SCAMP1: variants seen among roughly 807,000 people sequenced by gnomAD.
SCAMP1 encodes the protein secretory carrier membrane protein 1.
A neutral mutation model predicts 41.8 loss-of-function variants in SCAMP1; 15 were observed. The ratio of observed to expected loss-of-function variants is 0.36; its 90% CI spans 0.24 to 0.55. The LOEUF is 0.55. Ranked by LOEUF, SCAMP1 falls within the 20% of genes least tolerant of loss-of-function variation. The pLI is 0.86. For synonymous variants in SCAMP1, 135 were observed against 136.8 expected, an observed-to-expected ratio of 0.99 and a Z score of 0.09; for missense variants, 341 against 412.6, an observed-to-expected ratio of 0.83 and a Z score of 1.50.
intron 1 of SCAMP1, among the ~76,000 whole-genome samples, chr5:78,384,749 C>T (rs547111601): frequency 2.0e-5 from 3 of 151,922 alleles, no homozygotes; most frequent in Non-Finnish European, 4.4e-5. Flanking sequence ...TGTGGTGTAT[C>T]ACATTTATTG....
chr5:78,424,080 G>T (rs1456176712), intron 6 of SCAMP1, among the ~76,000 whole-genome samples: 1 of 152,150 alleles, frequency 6.6e-6, no homozygotes, highest in Non-Finnish European at 1.5e-5. Context: ...CTGACCTCAG[G>T]TGATCCGCCC....
At chr5:78,370,799 T>G (rs866208767) in intron 1 of SCAMP1, 1 of 152,138 alleles carries the variant, frequency 6.6e-6, no homozygotes, top group Admixed American at 6.5e-5. Context: ...CTGCTAGCAG[T>G]GTATGGGTAT....
intron 2 of SCAMP1, among the ~76,000 whole-genome samples, chr5:78,404,792 A>G (rs1034473605): frequency 6.6e-6 from 1 of 152,228 alleles, no homozygotes; most frequent in Admixed American, 6.5e-5. Context: ...GGTGTTTTTC[A>G]AAAATGGTTC....
At chr5:78,449,796 CT>C (rs948372444) in intron 6 of SCAMP1, 136 bp from the exon 7 acceptor site, 40 of 545,028 alleles carry the variant, frequency 7.3e-5, no homozygotes, top group Admixed American at 1.2e-4. Flanking sequence ...GTGGTTGCCA[CT>C]TTTTTTTGTT....
intron 6 of SCAMP1, among the ~76,000 whole-genome samples, chr5:78,444,331 A>G (rs1344180021): frequency 6.6e-6 from 1 of 152,218 alleles, no homozygotes; most frequent in African/African-American, 2.4e-5. Context: ...GAGGCCTCAC[A>G]ATCATGGCAG....
At chr5:78,419,520 C>G (rs1043248976) in intron 5 of SCAMP1, among the ~76,000 whole-genome samples, 1 of 152,110 alleles carries the variant, frequency 6.6e-6, no homozygotes, top group Non-Finnish European at 1.5e-5. Flanking sequence ...AACAAAATGT[C>G]AAGCCGTTAA....
intron 1 of SCAMP1, among the ~76,000 whole-genome samples, chr5:78,363,296 G>A (rs941837380): frequency 2.7e-5 from 4 of 150,742 alleles, no homozygotes; most frequent in African/African-American, 7.3e-5. Context: ...CACTGCAAGC[G>A]CTGCCTCCTG....
At chr5:78,450,793 T>C (rs1341762952) in intron 7 of SCAMP1, among the ~76,000 whole-genome samples, 1 of 152,216 alleles carries the variant, frequency 6.6e-6, no homozygotes, top group East Asian at 1.9e-4. Context: ...AAAATTGAAA[T>C]TAGCATTTAA....
intron 6 of SCAMP1, among the ~76,000 whole-genome samples, chr5:78,442,125 T>C (rs116022217): frequency 0.02 from 3,024 of 151,810 alleles, 114 homozygotes; most frequent in African/African-American, 0.068. Flanking sequence ...TAAGACCTTG[T>C]CTCAAAAAAA....
chr5:78,384,266 G>A (rs965621182), intron 1 of SCAMP1, among the ~76,000 whole-genome samples: 1 of 148,000 alleles, frequency 6.8e-6, no homozygotes, highest in Non-Finnish European at 1.5e-5. Flanking sequence ...TAGTATGGCT[G>A]CTGATTTGTG....
At chr5:78,449,773 C>T (rs183352341) in intron 6 of SCAMP1, among the ~76,000 whole-genome samples, 160 bp from the exon 7 acceptor site, 29 of 152,220 alleles carry the variant, frequency 1.9e-4, no homozygotes, top group Admixed American at 1.1e-3. Flanking sequence ...ATGTTGTTAA[C>T]TTGAGGCCTC....
chr5:78,392,061 AGACCGTGGAAAGAGAGGGAGAG>A (rs1751530944), intron 2 of SCAMP1, among the ~76,000 whole-genome samples: 2 of 100,944 alleles, frequency 2.0e-5, no homozygotes, highest in Non-Finnish European at 4.6e-5. Context: ...AGGGAGAGGG[AGACCGTGGAAAGAGAGGGAGAG>A]GGAGAGGGAG....
chr5:78,439,009 C>G (rs2112183413), intron 6 of SCAMP1, among the ~76,000 whole-genome samples: 1 of 152,308 alleles, frequency 6.6e-6, no homozygotes, highest in Non-Finnish European at 1.5e-5. Context: ...GATCTGAAGT[C>G]TATTTTATCA....
chr5:78,413,726 C>A (rs959212077), intron 2 of SCAMP1, among the ~76,000 whole-genome samples: 1 of 152,056 alleles, frequency 6.6e-6, no homozygotes. Context: ...CCGGTTCTTG[C>A]CTTTTGTATA....
intron 2 of SCAMP1, among the ~76,000 whole-genome samples, chr5:78,408,796 C>T (rs1028253754): frequency 2.0e-5 from 3 of 152,070 alleles, no homozygotes; most frequent in Admixed American, 6.5e-5. Flanking sequence ...GCTGAGGTCT[C>T]ACTATATTGC....
At chr5:78,379,856 A>G (rs1376165387) in intron 1 of SCAMP1, among the ~76,000 whole-genome samples, 3 of 152,174 alleles carry the variant, frequency 2.0e-5, no homozygotes, top group East Asian at 1.9e-4. Flanking sequence ...CTGATCCTAC[A>G]TTCTATCTCC....
chr5:78,388,796 G>A (rs1225496398), intron 1 of SCAMP1, 41 bp from the exon 2 acceptor site: 1 of 1,052,996 alleles, frequency 9.5e-7, no homozygotes, highest in Non-Finnish European at 1.4e-6. Flanking sequence ...ATTTTTTAAA[G>A]GATAAGTAAT....
At chr5:78,467,544 AT>A (rs1410729239) in intron 8 of SCAMP1, among the ~76,000 whole-genome samples, 21 of 152,218 alleles carry the variant, frequency 1.4e-4, no homozygotes, top group African/African-American at 4.8e-4. Flanking sequence ...GAATAAAAGT[AT>A]TGATATGGAT....
chr5:78,459,191 T>A, intron 7 of SCAMP1, 54 bp from the exon 8 acceptor site: 1 of 825,552 alleles, frequency 1.2e-6, no homozygotes, highest in South Asian at 1.5e-5. Flanking sequence ...ATTATGCTAT[T>A]TTTAAAAAGT....
Sources: allele counts gnomAD v4.1 joint callset (sites outside exome capture counted in the v4.1 genomes callset), GRCh38; gene constraint gnomAD v4.1.1; transcripts MANE v1.5; gene names NCBI Gene and HGNC (gene_info 2026-07-23, HGNC 2026-07-21).